Variants in LSG1 observed in about 807,000 individuals in gnomAD.
LSG1 encodes the protein large 60S subunit nuclear export GTPase 1.
Under a neutral mutation model 82.6 loss-of-function variants are expected in LSG1, and 55 were observed. The observed-to-expected ratio is 0.67, with a 90% CI of 0.54 to 0.83. The LOEUF (loss-of-function observed/expected upper bound fraction) is 0.83, where lower values mean the gene tolerates loss of function less well. Ranked by LOEUF, LSG1 falls within the 40% of genes least tolerant of loss-of-function variation. The pLI is 0.00. For synonymous variants in LSG1, 272 were observed against 282.5 expected, an observed-to-expected ratio of 0.96 and a Z score of 0.37; for missense variants, 809 against 807.9, an observed-to-expected ratio of 1.00 and a Z score of -0.02.
At chr3:194,671,376 C>G (rs1335340952) in intron 1 of LSG1, among the ~76,000 whole-genome samples, 1 of 152,186 alleles carries the variant, frequency 6.6e-6, no homozygotes, top group African/African-American at 2.4e-5. Context: ...TGAAAGTCAG[C>G]TGGTGTGACA....
At chr3:194,648,285 G>A (rs1718595768) in intron 11 of LSG1, among the ~76,000 whole-genome samples, 1 of 151,978 alleles carries the variant, frequency 6.6e-6, no homozygotes, top group Admixed American at 6.6e-5. Flanking sequence ...TCCTAACCAA[G>A]CTCCACTCTG....
Position 194,642,062 on chromosome 3 carries a change from C to T in LSG1, c.*6G>A. 1.2e-6 allele frequency: 2 copies of T among 1,611,398 alleles called. No homozygotes were observed. The highest frequency in any genetic ancestry group is 2.2e-4 in the Middle Eastern group (1 of 4,538). On this transcript the variant is annotated 3_prime_UTR_variant, in exon 14 of 14. Coordinates refer to ENST00000265245, the MANE Select transcript of LSG1 (RefSeq NM_018385.3). ...ATGCAGATGACATTTCTGTTGCAGCCCAACCTCACATATCCAGGTGCTTGT... is the reference window on the plus strand; with the variant it reads ...ATGCAGATGACATTTCTGTTGCAGCTCAACCTCACATATCCAGGTGCTTGT...
chr3:194,642,998 T>C (rs2108613729), intron 13 of LSG1, among the ~76,000 whole-genome samples: 1 of 152,374 alleles, frequency 6.6e-6, no homozygotes, highest in South Asian at 2.1e-4. Flanking sequence ...ACAGGCTCAT[T>C]GTGTAAGGCA....
rs57272537 is a variant in LSG1, at chr3:194,645,575, G to GACACACAC, written c.1623+581_1623+588dup. ...ACACACACACACACACACACAGACA[G>GACACACAC]ACACACACACACACACACACACACA... On this transcript the variant is annotated intron_variant, in intron 12 of 13. Transcript: ENST00000265245. 2.0e-3 allele frequency among the ~76,000 whole-genome samples: 41 copies of GACACACAC among 20,108 alleles called. 1 individual carries two copies. Among genetic ancestry groups the GACACACAC allele is most frequent in the African/African-American group, 3.3e-3 (26 of 7,976 alleles). 13.2% of individuals were successfully genotyped at this position (20,108 alleles called of 152,430 possible).
rs1233175476 is a variant in LSG1 at position 194,641,014 on chromosome 3, A to T, written c.*1054T>A. On this transcript the variant is annotated 3_prime_UTR_variant, in exon 14 of 14. Transcript: ENST00000265245. Reference sequence around the variant, plus strand: ...GAGGACTCAATATCAGGAGAACAGCACTGAGCGGGTGGTGCTAAACCGTTC... The same window carrying T: ...GAGGACTCAATATCAGGAGAACAGCTCTGAGCGGGTGGTGCTAAACCGTTC... 6.6e-6 allele frequency: 1 copy of T among 152,228 alleles called. No homozygotes were observed. The highest frequency in any genetic ancestry group is 1.9e-4 in the East Asian group (1 of 5,180). The allele number at this position is 152,228 out of a possible 1,614,324, so 9.4% of individuals were successfully genotyped here.
At chr3:194,654,381 A>G (rs1426274212) in intron 7 of LSG1, among the ~76,000 whole-genome samples, 3 of 152,240 alleles carry the variant, frequency 2.0e-5, no homozygotes, top group Non-Finnish European at 4.4e-5. Flanking sequence ...GAAACCTGGT[A>G]TCATTTCCAA....
Position 194,672,156 on chromosome 3 carries a change from G to C in LSG1, c.7C>G (p.Arg3Gly), listed in dbSNP as rs202080616. MG[R>G]RRAPAGGSLG... ...GACCCACCGGCCGGGGCTCTCCTCC[G>C]GCCCATGGCAACACGACCGCTGGAC... Residue 3 changes from arginine (R) to glycine (G), a missense_variant, in exon 1 of 14, where the codon CGG (arginine) becomes GGG (glycine). Physicochemically the swap from Arg to Gly is moderately radical, Grantham distance 125. Transcript: ENST00000265245. 5 of 1,601,752 alleles carry C rather than the reference G, an allele frequency of 3.1e-6. No individual in the cohort carries two copies. The East Asian group carries it at 8.9e-5, about 29-fold the overall frequency.
At chr3:194,653,998 C>CA (rs1718741684) in intron 7 of LSG1, among the ~76,000 whole-genome samples, 1 of 152,220 alleles carries the variant, frequency 6.6e-6, no homozygotes, top group Non-Finnish European at 1.5e-5. Context: ...CATGATAAAA[C>CA]AAAGCATTTC....
At chr3:194,671,473 G>C (rs909093920) in intron 1 of LSG1, among the ~76,000 whole-genome samples, 1 of 152,098 alleles carries the variant, frequency 6.6e-6, no homozygotes, top group Non-Finnish European at 1.5e-5. Flanking sequence ...ATTCATTCCC[G>C]GGGGAATGAA....
At chr3:194,654,621 C>A (rs1718755352) in intron 7 of LSG1, among the ~76,000 whole-genome samples, 1 of 152,132 alleles carries the variant, frequency 6.6e-6, no homozygotes, top group African/African-American at 2.4e-5. Context: ...AGTGTCGTCA[C>A]TGTGGGCTCT....
chr3:194,646,871 G>A (rs1029512219), intron 11 of LSG1, among the ~76,000 whole-genome samples: 5 of 152,304 alleles, frequency 3.3e-5, no homozygotes, highest in South Asian at 2.1e-4. Flanking sequence ...AGAATGCTAC[G>A]CTATCAATAC....
At chr3:194,652,240 T>C (rs895715860) in intron 8 of LSG1, among the ~76,000 whole-genome samples, 1 of 152,234 alleles carries the variant, frequency 6.6e-6, no homozygotes, top group Non-Finnish European at 1.5e-5. Context: ...TATGTAAGGC[T>C]GGGGATGGGA....
chr3:194,646,266 C>G (rs903318173), intron 11 of LSG1, 23 bp from the exon 12 acceptor site: 8 of 1,606,540 alleles, frequency 5.0e-6, no homozygotes, highest in Admixed American at 3.3e-5. Context: ...AAGAATTTTG[C>G]AAAATCTTAG....
Position 194,644,234 on chromosome 3 carries a change from C to T in LSG1, c.1797+339G>A, listed in dbSNP as rs374069844. Reference sequence around the variant, plus strand: ...AAAATTAGCCGGGCGTGGTGGCGGGCGCCTGTAGTCCCAGCTACTCGGGAG... The same window carrying T: ...AAAATTAGCCGGGCGTGGTGGCGGGTGCCTGTAGTCCCAGCTACTCGGGAG... On this transcript the variant is annotated intron_variant, in intron 13 of 13. Transcript: ENST00000265245. Among the ~76,000 whole-genome samples the T allele has an allele frequency of 5.6e-3, 842 of 151,610 alleles. 7 individuals carry two copies. Among genetic ancestry groups the T allele is most frequent in the African/African-American group, 0.018 (755 of 41,384 alleles).
At chr3:194,660,945 G>A in intron 5 of LSG1, 1 of 455,702 alleles carries the variant, frequency 2.2e-6, no homozygotes, top group Non-Finnish European at 4.4e-6. Flanking sequence ...TTCAGCCTCT[G>A]TGCTAGATGT....
chr3:194,646,458 C>T (rs1198865229), intron 11 of LSG1: 1 of 429,866 alleles, frequency 2.3e-6, no homozygotes, highest in Non-Finnish European at 4.2e-6. Context: ...CCACCTAGCA[C>T]CACGCTATGA....
Position 194,652,720 on chromosome 3 carries a change from T to C in LSG1, c.1173+9A>G. ...CGTGGTAACAATGTTATGACATATGTCATCTTACCAGTCCGACCGTAAGTT... is the reference window on the plus strand; with the variant it reads ...CGTGGTAACAATGTTATGACATATGCCATCTTACCAGTCCGACCGTAAGTT... On this transcript the variant is annotated intron_variant, in intron 8 of 13. Coordinates refer to ENST00000265245, the MANE Select transcript of LSG1 (RefSeq NM_018385.3). The C allele has an allele frequency of 6.2e-7, 1 of 1,607,022 alleles. No homozygotes were observed.
intron 8 of LSG1, 83 bp downstream of exon 8, chr3:194,652,646 G>C (rs1249091209): frequency 7.0e-7 from 1 of 1,437,196 alleles, no homozygotes; most frequent in African/African-American, 1.4e-5. Context: ...AAGCCTGGTT[G>C]GTCTTTGGGG....
At chr3:194,655,828 G>A (rs1445529287) in intron 7 of LSG1, among the ~76,000 whole-genome samples, 1 of 152,056 alleles carries the variant, frequency 6.6e-6, no homozygotes, top group Non-Finnish European at 1.5e-5. Flanking sequence ...ACAGAACAGA[G>A]CCCTCAGAAA....
Sources: allele counts gnomAD v4.1 joint callset (sites outside exome capture counted in the v4.1 genomes callset), GRCh38; gene constraint gnomAD v4.1.1; transcripts MANE v1.5; gene names NCBI Gene and HGNC (gene_info 2026-07-23, HGNC 2026-07-21).